Variants in PEBP4 observed in about 807,000 individuals in gnomAD.
PEBP4 encodes the protein phosphatidylethanolamine-binding protein 4.
A neutral mutation model predicts 23.9 loss-of-function variants in PEBP4; 22 were observed. The observed-to-expected ratio is 0.92, with a 90% CI of 0.66 to 1.31. The LOEUF (loss-of-function observed/expected upper bound fraction) is 1.31. Among genes scored for constraint, PEBP4 ranks in the 40% most tolerant of loss-of-function variants. The probability of loss-of-function intolerance (pLI) is 0.00; values close to 1 mark genes in which losing one functional copy is unlikely to be tolerated. For synonymous variants in PEBP4, 112 were observed against 99.3 expected, an observed-to-expected ratio of 1.13 and a Z score of -0.76; for missense variants, 324 against 281.7, an observed-to-expected ratio of 1.15 and a Z score of -1.07.
At chr8:22,804,383 C>T (rs1057425009) in intron 4 of PEBP4, among the ~76,000 whole-genome samples, 2 of 152,160 alleles carry the variant, frequency 1.3e-5, no homozygotes, top group African/African-American at 4.8e-5. Context: ...GAAGTCCTCC[C>T]ACAGTCTGTG....
chr8:22,901,548 C>T (rs1292531572), intron 3 of PEBP4, among the ~76,000 whole-genome samples: 1 of 151,528 alleles, frequency 6.6e-6, no homozygotes, highest in African/African-American at 2.4e-5. Context: ...CACCGACTCT[C>T]CACACTGTGC....
chr8:22,787,270 A>G (rs548749195), intron 4 of PEBP4, among the ~76,000 whole-genome samples: 124 of 152,344 alleles, frequency 8.1e-4, no homozygotes, highest in African/African-American at 2.9e-3. Flanking sequence ...AGAATGAAAT[A>G]TAATGAGTGG....
intron 4 of PEBP4, among the ~76,000 whole-genome samples, chr8:22,765,423 C>A (rs192654547): frequency 3.5e-4 from 54 of 152,300 alleles, no homozygotes; most frequent in African/African-American, 1.3e-3. Context: ...GGATTATAGG[C>A]GTGAGCTGCT....
intron 4 of PEBP4, among the ~76,000 whole-genome samples, chr8:22,810,325 T>G (rs955944803): frequency 1.3e-5 from 2 of 152,100 alleles, no homozygotes; most frequent in Admixed American, 6.5e-5. Flanking sequence ...AAGACATTAT[T>G]CCAGTGTGGC....
chr8:22,771,262 G>C (rs1805712291), intron 4 of PEBP4, among the ~76,000 whole-genome samples: 1 of 152,238 alleles, frequency 6.6e-6, no homozygotes, highest in Non-Finnish European at 1.5e-5. Context: ...GCCGAGGTGG[G>C]TGGATCACTT....
At chr8:22,873,170 G>A (rs1208770309) in intron 3 of PEBP4, among the ~76,000 whole-genome samples, 3 of 152,234 alleles carry the variant, frequency 2.0e-5, no homozygotes, top group Admixed American at 1.3e-4. Flanking sequence ...AGTTATTGGC[G>A]AGACTGCACC....
intron 4 of PEBP4, among the ~76,000 whole-genome samples, chr8:22,779,184 T>C (rs1464893195): frequency 6.6e-6 from 1 of 152,066 alleles, no homozygotes; most frequent in Admixed American, 6.5e-5. Context: ...GGAAAGGCCA[T>C]GGGGACCCTG....
At chr8:22,732,492 G>A (rs1418226436) in intron 4 of PEBP4, among the ~76,000 whole-genome samples, 1 of 152,116 alleles carries the variant, frequency 6.6e-6, no homozygotes, top group Non-Finnish European at 1.5e-5. Context: ...TATAGGTGCA[G>A]CAAACCACCA....
At chr8:22,787,913 G>A (rs923003085) in intron 4 of PEBP4, among the ~76,000 whole-genome samples, 1 of 152,164 alleles carries the variant, frequency 6.6e-6, no homozygotes, top group African/African-American at 2.4e-5. Flanking sequence ...GTCGAGGTGA[G>A]GGCTGGGGAA....
Position 22,817,645 on chromosome 8 carries a change from C to G in PEBP4, c.349G>C (p.Asp117His). The G allele has an allele frequency of 6.2e-7, 1 of 1,614,028 alleles. No homozygotes were observed. Among genetic ancestry groups the G allele is most frequent in the Non-Finnish European group, 8.5e-7 (1 of 1,179,886 alleles). ...CCTCTTGGCCTGCTTACCTTGATAT[C>G]TGTTACCAGCCAATGTCTCCAGAAT... ...QRFWRHWLVTDIKGADLKKGK... is the reference protein window; with the variant it reads ...QRFWRHWLVTHIKGADLKKGK... The change falls in exon 4 of 7, where the codon GAT becomes CAT. Residue 117 changes from aspartate (D) to histidine (H), a missense_variant. Physicochemically the swap from Asp to His is moderately conservative, Grantham distance 81. Coordinates refer to ENST00000256404, the MANE Select transcript of PEBP4 (RefSeq NM_144962.3).
intron 2 of PEBP4, among the ~76,000 whole-genome samples, chr8:22,926,948 C>G (rs549651839): frequency 1.3e-5 from 2 of 152,238 alleles, no homozygotes; most frequent in African/African-American, 4.8e-5. Flanking sequence ...GGATGACCCA[C>G]AAGTCCACAC....
chr8:22,765,411 T>G (rs1417257158), intron 4 of PEBP4, among the ~76,000 whole-genome samples: 1 of 152,190 alleles, frequency 6.6e-6, no homozygotes, highest in Non-Finnish European at 1.5e-5. Flanking sequence ...CCCAAAGTGC[T>G]GGGATTATAG....
At chr8:22,898,389 CCCAAAAAAA>C (rs535812162) in intron 3 of PEBP4, among the ~76,000 whole-genome samples, 29,006 of 87,068 alleles carry the variant, frequency 0.33, 5,471 homozygotes, top group Middle Eastern at 0.48. Context: ...AAGACTCCAC[CCCAAAAAAA>C]AAAAAAAAAA....
At chr8:22,835,911 G>T (rs771933895) in intron 3 of PEBP4, among the ~76,000 whole-genome samples, 1 of 152,246 alleles carries the variant, frequency 6.6e-6, no homozygotes, top group Non-Finnish European at 1.5e-5. Flanking sequence ...GCTCCCTGGG[G>T]CTCCATCCTA....
intron 4 of PEBP4, among the ~76,000 whole-genome samples, chr8:22,789,207 G>A (rs910046758): frequency 3.3e-5 from 5 of 152,168 alleles, no homozygotes; most frequent in Admixed American, 3.3e-4. Context: ...TACACTAAGT[G>A]TGTTCACAGG....
chr8:22,862,799 C>CTT lies in PEBP4; in HGVS notation c.259-45066_259-45065dup, dbSNP rs3060707. Among the ~76,000 whole-genome samples the CTT allele has an allele frequency of 2.5e-4, 28 of 110,858 alleles. 1 individual carries two copies. Among genetic ancestry groups the CTT allele is most frequent in the East Asian group, 1.4e-3 (5 of 3,662 alleles). The allele number at this position is 110,858 out of a possible 152,430, so 72.7% of individuals were successfully genotyped here. On this transcript the variant is annotated intron_variant, in intron 3 of 6. Coordinates refer to ENST00000256404, the MANE Select transcript of PEBP4 (RefSeq NM_144962.3). ...CCAGACCAGGGCCCACCCTCATAACCTTTTTTTTTTTTTTTTTTTGAGACG... is the reference window on the plus strand; with the variant it reads ...CCAGACCAGGGCCCACCCTCATAACCTTTTTTTTTTTTTTTTTTTTTGAGACG...
At chr8:22,862,030 A>T (rs1807788793) in intron 3 of PEBP4, among the ~76,000 whole-genome samples, 1 of 152,182 alleles carries the variant, frequency 6.6e-6, no homozygotes, top group Non-Finnish European at 1.5e-5. Flanking sequence ...CAAGCGAGTG[A>T]TGCCAACACA....
At chr8:22,804,282 G>T (rs895283838) in intron 4 of PEBP4, among the ~76,000 whole-genome samples, 1 of 152,104 alleles carries the variant, frequency 6.6e-6, no homozygotes, top group Non-Finnish European at 1.5e-5. Flanking sequence ...AGTGAGCTAT[G>T]ACTGCACCAC....
At chr8:22,791,951 G>C (rs1256656147) in intron 4 of PEBP4, among the ~76,000 whole-genome samples, 3 of 151,676 alleles carry the variant, frequency 2.0e-5, no homozygotes, top group Non-Finnish European at 4.4e-5. Flanking sequence ...TGAACTCCTA[G>C]ACTCAAGTGA....
Sources: allele counts gnomAD v4.1 joint callset (sites outside exome capture counted in the v4.1 genomes callset), GRCh38; gene constraint gnomAD v4.1.1; transcripts MANE v1.5; gene names NCBI Gene and HGNC (gene_info 2026-07-23, HGNC 2026-07-21).